The following PPP1R9A variants were observed in gnomAD, a reference collection of about 807,000 sequenced individuals.
PPP1R9A encodes neurabin-1.
In PPP1R9A, 59 loss-of-function variants were observed where a neutral mutation model predicts 141.9. That is an observed-to-expected ratio of 0.42 (90% CI 0.34 to 0.52). PPP1R9A has a LOEUF of 0.52. Among genes scored for constraint, PPP1R9A ranks in the 20% least tolerant of loss-of-function variants. The pLI, the probability that PPP1R9A is intolerant of heterozygous loss-of-function variation, is 0.10. For synonymous variants in PPP1R9A, 500 were observed against 569.7 expected (o/e 0.88, Z 1.74); for missense variants, 1,444 against 1,611.9 (o/e 0.90, Z 1.78).
At chr7:94,964,134 T>C (rs1290049781) in intron 2 of PPP1R9A, among the ~76,000 whole-genome samples, 1 of 152,154 alleles carries the variant, frequency 6.6e-6, no homozygotes, top group Non-Finnish European at 1.5e-5. Flanking sequence ...CAAAATGTTT[T>C]GAATTTCTGG....
At chr7:95,229,739 G>A (rs370324603) in intron 8 of PPP1R9A, among the ~76,000 whole-genome samples, 61 of 152,178 alleles carry the variant, frequency 4.0e-4, no homozygotes, top group African/African-American at 1.3e-3. Flanking sequence ...TGGCCCTGCT[G>A]ACTGCCTGAG....
chr7:94,917,222 A>G (rs1792191216), intron 2 of PPP1R9A, among the ~76,000 whole-genome samples: 1 of 152,202 alleles, frequency 6.6e-6, no homozygotes, highest in South Asian at 2.1e-4. Flanking sequence ...TATACTTTGT[A>G]AAATCAAATA....
Position 94,910,528 on chromosome 7 carries a change from T to G in PPP1R9A, c.415T>G (p.Phe139Val), listed in dbSNP as rs1160731745. ...TMYDGPSYSK[F>V]TETRKMFERS... is the part of the protein sequence containing the mutation. Reference sequence around the variant, plus strand: ...GTACGATGGCCCTTCATATTCCAAGTTCACTGAGACTCGAAAGATGTTTGA... The same window carrying G: ...GTACGATGGCCCTTCATATTCCAAGGTCACTGAGACTCGAAAGATGTTTGA... Residue 139 changes from phenylalanine (F) to valine (V), a missense_variant, in exon 2 of 20, where the codon TTC (phenylalanine) becomes GTC (valine). Phe to Val is a conservative substitution (Grantham distance 50). Transcript: ENST00000433360. The surrounding 1 kb of genome is among the most constrained non-coding windows in gnomAD (Gnocchi z 4.5). 3 of 1,614,060 alleles carry G rather than the reference T, an allele frequency of 1.9e-6. No individual in the cohort carries two copies. In the African/African-American group the frequency reaches 4.0e-5, roughly 22 times the overall value.
rs528616491 is a variant in PPP1R9A at position 95,161,801 on chromosome 7, A to G, written c.1650-66A>G. On this transcript the variant is annotated intron_variant, in intron 4 of 19. Transcript: ENST00000433360. ...CATATTTTGTCAACTGATTTGTTGG[A>G]AATGATTATTACATAAATTAATTTT... 2.2e-5 allele frequency: 23 copies of G among 1,044,704 alleles called. No individual in the cohort carries two copies. In the African/African-American group the frequency reaches 3.4e-4, roughly 15 times the overall value. 64.7% of individuals were successfully genotyped at this position (1,044,704 alleles called of 1,614,324 possible). A position where few individuals can be genotyped will look rare whatever the true frequency, so the allele number is the denominator to read the frequency against.
At chr7:95,114,359 A>G (rs913052511) in intron 3 of PPP1R9A, among the ~76,000 whole-genome samples, 3 of 152,202 alleles carry the variant, frequency 2.0e-5, no homozygotes, top group Non-Finnish European at 4.4e-5. Context: ...ACAAATGAGT[A>G]GTTTTTAAAA....
At chr7:95,108,824 T>C (rs1260752290) in intron 2 of PPP1R9A, 6 of 152,190 alleles carry the variant, frequency 3.9e-5, no homozygotes, top group Non-Finnish European at 8.8e-5. Flanking sequence ...TATTTCATAC[T>C]TACTTTATAT....
At chr7:94,935,701 A>G (rs928892685) in intron 2 of PPP1R9A, among the ~76,000 whole-genome samples, 25 of 152,128 alleles carry the variant, frequency 1.6e-4, no homozygotes, top group African/African-American at 5.8e-4. Context: ...AAATCTGAAA[A>G]TTTTATAATA....
chr7:94,957,610 C>G (rs1170989522), intron 2 of PPP1R9A, among the ~76,000 whole-genome samples: 1 of 151,938 alleles, frequency 6.6e-6, no homozygotes, highest in Admixed American at 6.6e-5. Flanking sequence ...TGACTGTTAC[C>G]TTTGAAATTA....
chr7:95,085,344 C>G (rs1038630439), intron 2 of PPP1R9A, among the ~76,000 whole-genome samples: 2 of 151,764 alleles, frequency 1.3e-5, no homozygotes, highest in African/African-American at 4.9e-5. Context: ...TAGCGATTCT[C>G]CCATCTCGGC....
intron 2 of PPP1R9A, among the ~76,000 whole-genome samples, chr7:95,064,437 C>T (rs2152099207): frequency 6.6e-6 from 1 of 152,266 alleles, no homozygotes; most frequent in Non-Finnish European, 1.5e-5. Flanking sequence ...AGCACTTTGG[C>T]ACTGTGCATA....
chr7:95,230,476 C>A (rs1018530993), intron 8 of PPP1R9A, among the ~76,000 whole-genome samples: 5 of 152,018 alleles, frequency 3.3e-5, no homozygotes, highest in Non-Finnish European at 7.4e-5. Flanking sequence ...AAAACAGTCA[C>A]AACTTCTGGA....
In PPP1R9A at chr7:95,153,010, C is replaced by T. The variant is rs191731131; in HGVS notation, c.1650-8857C>T. 4.6e-5 allele frequency among the ~76,000 whole-genome samples: 7 copies of T among 151,952 alleles called. No individual in the cohort carries two copies. The East Asian group carries it at 7.8e-4, about 17-fold the overall frequency. On this transcript the variant is annotated intron_variant, in intron 4 of 19. Coordinates refer to ENST00000433360, the MANE Select transcript of PPP1R9A (RefSeq NM_001166160.2). ...GACTACAGGCACCTGCCACCATATC[C>T]GGCTAATTTTTTTATTTTTAATAGA...
chr7:95,137,681 T>A (rs1361293145), intron 4 of PPP1R9A, among the ~76,000 whole-genome samples: 1 of 152,006 alleles, frequency 6.6e-6, no homozygotes, highest in Non-Finnish European at 1.5e-5. Context: ...CTCTAGCAGG[T>A]TTTTTGTTGT....
At chr7:94,959,451 T>C (rs1797386738) in intron 2 of PPP1R9A, among the ~76,000 whole-genome samples, 1 of 151,834 alleles carries the variant, frequency 6.6e-6, no homozygotes, top group East Asian at 1.9e-4. Flanking sequence ...GTATATCAAA[T>C]TTTAAACATT....
chr7:95,028,686 T>C (rs1224582817), intron 2 of PPP1R9A, among the ~76,000 whole-genome samples: 4 of 152,212 alleles, frequency 2.6e-5, no homozygotes, highest in African/African-American at 7.2e-5. Flanking sequence ...GTTCTTAGAA[T>C]GTGCATATGT....
intron 4 of PPP1R9A, 45 bp from the exon 5 acceptor site, chr7:95,161,822 A>T: frequency 1.6e-6 from 2 of 1,254,934 alleles, no homozygotes; most frequent in South Asian, 1.4e-5. Flanking sequence ...ACATAAATTA[A>T]TTTTTTATGT....
chr7:95,052,103 G>A (rs1407104065), intron 2 of PPP1R9A, among the ~76,000 whole-genome samples: 2 of 152,126 alleles, frequency 1.3e-5, no homozygotes, highest in Non-Finnish European at 2.9e-5. Context: ...GCCTCCCAAA[G>A]TGCTGGGATT....
intron 2 of PPP1R9A, among the ~76,000 whole-genome samples, chr7:95,001,494 A>C (rs1043207068): frequency 1.3e-5 from 2 of 152,210 alleles, no homozygotes; most frequent in Non-Finnish European, 2.9e-5. Flanking sequence ...CATGTAATAC[A>C]CTAAGAAGTA....
intron 2 of PPP1R9A, among the ~76,000 whole-genome samples, chr7:95,076,936 TC>T (rs1309266219): frequency 6.6e-6 from 1 of 152,126 alleles, no homozygotes; most frequent in African/African-American, 2.4e-5. Context: ...TAGTTTTATC[TC>T]TTTCTTTCCA....
Sources: allele counts gnomAD v4.1 joint callset (sites outside exome capture counted in the v4.1 genomes callset), GRCh38; gene constraint gnomAD v4.1.1; non-coding constraint Gnocchi (gnomAD v3.1); transcripts MANE v1.5; gene names NCBI Gene and HGNC (gene_info 2026-07-23, HGNC 2026-07-21).